The following NOS1 variants were observed in gnomAD, a reference collection of about 807,000 sequenced individuals.
NOS1 encodes the protein NOS type I.
A neutral mutation model predicts 164.5 loss-of-function variants in NOS1; 51 were observed. That is an observed-to-expected ratio of 0.31 (90% CI 0.25 to 0.39). NOS1 has a LOEUF of 0.39. NOS1 is among the 10% of genes least tolerant of loss of function. The pLI, the probability that NOS1 is intolerant of heterozygous loss-of-function variation, is 1.00. For missense variants in NOS1, 1,362 were observed against 1,885.6 expected (o/e 0.72, Z 5.14); for synonymous variants, 719 against 745.8 (o/e 0.96, Z 0.59).
rs549611283 is a variant in NOS1 at position 117,256,284 on chromosome 12, G to GTTGTTTTTTTTTTTTTTTTT, written c.2531+2112_2531+2113insAAAAAAAAAAAAAAAAACAA. 6.9e-4 allele frequency among the ~76,000 whole-genome samples: 82 copies of GTTGTTTTTTTTTTTTTTTTT among 118,436 alleles called. 1 individual carries two copies. Among genetic ancestry groups the GTTGTTTTTTTTTTTTTTTTT allele is most frequent in the African/African-American group, 3.1e-3 (80 of 26,140 alleles). The allele number at this position is 118,436 out of a possible 152,430, so 77.7% of individuals were successfully genotyped here. ...CAAAGAAAATCAGAAGGGATTTTCTGTTTTTTTTTTTTGAGACGGAGTCTC... is the reference window on the plus strand; with the variant it reads ...CAAAGAAAATCAGAAGGGATTTTCTGTTGTTTTTTTTTTTTTTTTTTTTTTTTTTTTTGAGACGGAGTCTC... On this transcript the variant is annotated intron_variant, in intron 16 of 28. Coordinates refer to ENST00000317775, the MANE Select transcript of NOS1 (RefSeq NM_000620.5).
At chr12:117,261,772 G>A (rs1418781152) in intron 13 of NOS1, among the ~76,000 whole-genome samples, 1 of 152,222 alleles carries the variant, frequency 6.6e-6, no homozygotes, top group East Asian at 1.9e-4. Context: ...GGTCAACAGA[G>A]TGAGACTTTG....
chr12:117,285,339 G>C lies in NOS1; in HGVS notation c.1291-7C>G, dbSNP rs1566058926. 2 of 1,602,354 alleles carry C rather than the reference G, an allele frequency of 1.2e-6. No individual in the cohort carries two copies. Among genetic ancestry groups the C allele is most frequent in the Non-Finnish European group, 1.7e-6 (2 of 1,171,586 alleles). ...AGTCACGGGCATCGAATACCTGGAA[G>C]AGGCACAGGGCGGAACTGATTGCCT... On this transcript the variant is annotated splice_polypyrimidine_tract_variant and splice_region_variant and intron_variant, in intron 6 of 28. Coordinates refer to ENST00000317775, the MANE Select transcript of NOS1 (RefSeq NM_000620.5).
Position 117,325,897 on chromosome 12 carries a change from T to G in NOS1, c.725+4448A>C, listed in dbSNP as rs937872484. 4.6e-5 allele frequency among the ~76,000 whole-genome samples: 7 copies of G among 152,354 alleles called. No homozygotes were observed. In the South Asian group the frequency reaches 1.5e-3, roughly 32 times the overall value. ...ACTGATATGTTAAATTACAGGCTTT[T>G]GAAATTATAAGTTACTTTTATGAGG... On this transcript the variant is annotated intron_variant, in intron 2 of 28. Coordinates refer to ENST00000317775, the MANE Select transcript of NOS1 (RefSeq NM_000620.5).
rs149538407 is a variant in NOS1, at chr12:117,324,026, T to C, written c.725+6319A>G. Among the ~76,000 whole-genome samples, 437 of 151,974 alleles carry C rather than the reference T, an allele frequency of 2.9e-3. 1 individual carries two copies. Among genetic ancestry groups the C allele is most frequent in the Middle Eastern group, 0.024 (7 of 294 alleles). ...GCTGACCTCAAGTGATCCACCTGCG[T>C]CAGCCTTCCAAGATGTGGGAGTACA... On this transcript the variant is annotated intron_variant, in intron 2 of 28. Coordinates refer to ENST00000317775, the MANE Select transcript of NOS1 (RefSeq NM_000620.5).
At chr12:117,349,581 A>G (rs1229179951) in intron 1 of NOS1, among the ~76,000 whole-genome samples, 1 of 152,206 alleles carries the variant, frequency 6.6e-6, no homozygotes, top group African/African-American at 2.4e-5. Flanking sequence ...TATTACATGA[A>G]TTTTACCTCA....
At chr12:117,309,722 A>C (rs1874335373) in intron 3 of NOS1, among the ~76,000 whole-genome samples, 1 of 152,222 alleles carries the variant, frequency 6.6e-6, no homozygotes, top group African/African-American at 2.4e-5. Flanking sequence ...TAGCTGTCAA[A>C]ACACATCTGA....
At chr12:117,346,902 T>C (rs1263049295) in intron 1 of NOS1, among the ~76,000 whole-genome samples, 1 of 152,242 alleles carries the variant, frequency 6.6e-6, no homozygotes, top group Non-Finnish European at 1.5e-5. Context: ...GGTCAGATTC[T>C]ATCAAAGACA....
In NOS1 at chr12:117,286,182, T is replaced by C. The variant is rs777256273; in HGVS notation, c.1212A>G (p.Thr404=). 3.7e-6 allele frequency: 6 copies of C among 1,614,222 alleles called. No individual in the cohort carries two copies. In the South Asian group the frequency reaches 5.5e-5, roughly 15 times the overall value. The part of the protein sequence containing the change: ...DTTSTYQLKD[T]ELIYGAKHAW... ...CGTGCTTGGCCCCATAGATGAGCTC[T>C]GTGTCCTTGAGCTGGTAAGTGCTAG... The change falls in exon 6 of 29, where the codon ACA becomes ACG. Residue 404 remains threonine, a synonymous_variant. Transcript: ENST00000317775.
intron 20 of NOS1, among the ~76,000 whole-genome samples, chr12:117,240,187 A>G (rs1013933904): frequency 1.3e-5 from 2 of 152,206 alleles, no homozygotes; most frequent in African/African-American, 4.8e-5. Flanking sequence ...AGTGAGAAAT[A>G]TATTTCAAAT....
chr12:117,292,810 T>C (rs1873148880), intron 3 of NOS1, among the ~76,000 whole-genome samples: 1 of 152,164 alleles, frequency 6.6e-6, no homozygotes, highest in Non-Finnish European at 1.5e-5. Flanking sequence ...AGACCAAGAC[T>C]ATAGTGACAA....
rs545324665 is a variant in NOS1, at chr12:117,232,663, G to A, written c.3236-532C>T. Among the ~76,000 whole-genome samples, 11 of 151,082 alleles carry A rather than the reference G, an allele frequency of 7.3e-5. No individual in the cohort carries two copies. The South Asian group carries it at 2.3e-3, about 32-fold the overall frequency. On this transcript the variant is annotated intron_variant, in intron 21 of 28. Transcript: ENST00000317775. ...CATGGAGAGGTTAAGAAATTTGCCC[G>A]AGATCACACAGCTCATAAGCGTGAA...
At chr12:117,294,338 G>A (rs1165486252) in intron 3 of NOS1, among the ~76,000 whole-genome samples, 2 of 152,164 alleles carry the variant, frequency 1.3e-5, no homozygotes, top group Non-Finnish European at 2.9e-5. Flanking sequence ...CATCACCAGG[G>A]AGGGGGAGGA....
intron 2 of NOS1, among the ~76,000 whole-genome samples, chr12:117,322,603 T>C (rs1875028624): frequency 8.2e-6 from 1 of 122,152 alleles, no homozygotes; most frequent in East Asian, 3.1e-4. Context: ...CCCTCCCTCC[T>C]TCCTTTCTTC....
chr12:117,248,764 A>G (rs570946348), intron 17 of NOS1, among the ~76,000 whole-genome samples: 2 of 151,928 alleles, frequency 1.3e-5, no homozygotes, highest in Admixed American at 6.5e-5. Context: ...TCCCTGAGGA[A>G]TTGCCACACT....
intron 1 of NOS1, among the ~76,000 whole-genome samples, chr12:117,357,106 T>C (rs1374133668): frequency 6.6e-6 from 1 of 152,208 alleles, no homozygotes; most frequent in Non-Finnish European, 1.5e-5. Flanking sequence ...GCAGATGGCT[T>C]GAGCCCAGGA....
intron 22 of NOS1, among the ~76,000 whole-genome samples, chr12:117,230,018 C>T (rs1014716803): frequency 1.3e-5 from 2 of 152,258 alleles, no homozygotes; most frequent in Non-Finnish European, 2.9e-5. Flanking sequence ...CTCCTGGGCT[C>T]AAGTGATCCT....
Position 117,226,776 on chromosome 12 carries a change from AG to A in NOS1, c.3617-7del. Reference sequence around the variant, plus strand: ...GTGAATTGGTCCTTCTCCATCTAGTAGAATAACCAAGGCAGTCAGGGCCACC... The same window carrying A: ...GTGAATTGGTCCTTCTCCATCTAGTAAATAACCAAGGCAGTCAGGGCCACC... On this transcript the variant is annotated splice_polypyrimidine_tract_variant and splice_region_variant and intron_variant, in intron 23 of 28. Coordinates refer to ENST00000317775, the MANE Select transcript of NOS1 (RefSeq NM_000620.5). 6.2e-7 allele frequency: 1 copy of A among 1,612,708 alleles called. No homozygotes were observed. Among genetic ancestry groups the A allele is most frequent in the Non-Finnish European group, 8.5e-7 (1 of 1,178,956 alleles).
At chr12:117,224,980 G>C in intron 25 of NOS1, 36 bp downstream of exon 25, 2 of 1,613,694 alleles carry the variant, frequency 1.2e-6, no homozygotes, top group Non-Finnish European at 8.5e-7. Flanking sequence ...CCAGGTCCGG[G>C]GGTGGGAACC....
intron 1 of NOS1, among the ~76,000 whole-genome samples, chr12:117,334,852 G>A (rs1875728782): frequency 6.6e-6 from 1 of 152,166 alleles, no homozygotes; most frequent in East Asian, 1.9e-4. Context: ...GCTGCTATAA[G>A]GACACCCGCT....
Sources: gnomAD v4.1 joint callset for allele counts (sites outside exome capture counted in the v4.1 genomes callset) on GRCh38, gnomAD v4.1.1 for gene constraint, MANE v1.5 for transcripts, NCBI Gene and HGNC (gene_info 2026-07-23, HGNC 2026-07-21) for gene names.